Variants in CUL5 observed in about 807,000 individuals in gnomAD.
The protein encoded by CUL5 is cullin-5.
A neutral mutation model predicts 108.8 loss-of-function variants in CUL5; 26 were observed. The observed-to-expected ratio is 0.24, with a 90% CI of 0.18 to 0.33. The LOEUF (loss-of-function observed/expected upper bound fraction) is 0.33. Ranked by LOEUF, CUL5 falls within the 10% of genes least tolerant of loss-of-function variation. The pLI is 1.00. For synonymous variants in CUL5, 334 were observed against 298.0 expected (o/e 1.12, Z -1.25); for missense variants, 524 against 909.2 (o/e 0.58, Z 5.45).
intron 4 of CUL5, among the ~76,000 whole-genome samples, chr11:108,052,368 G>A (rs945173511): frequency 8.5e-5 from 13 of 152,088 alleles, no homozygotes; most frequent in Admixed American, 3.9e-4. Flanking sequence ...AGGCTGGAGG[G>A]CAGTGGCGTG....
chr11:108,017,432 A>G (rs1405251430), intron 1 of CUL5, among the ~76,000 whole-genome samples: 1 of 151,594 alleles, frequency 6.6e-6, no homozygotes, highest in Non-Finnish European at 1.5e-5. Flanking sequence ...ACAATAGTGA[A>G]TATGACAAAG....
At position 108,106,851 on chromosome 11, in the gene CUL5, A is replaced by AC; in HGVS notation, c.*2467_*2468insC. 1 of 150,516 alleles carries AC rather than the reference A, an allele frequency of 6.6e-6. No individual in the cohort carries two copies. Among genetic ancestry groups the AC allele is most frequent in the East Asian group, 1.9e-4 (1 of 5,142 alleles). The allele number at this position is 150,516 out of a possible 1,614,324, so 9.3% of individuals were successfully genotyped here. A position where few individuals can be genotyped will look rare whatever the true frequency, so the allele number is the denominator to read the frequency against. The stretch of plus-strand genomic sequence containing the variant: ...CCTCCCCCTCCAAAAAAAAAAAAAA[A>AC]ATTTAATTTTTAAAAATTAGTGGTA... On this transcript the variant is annotated 3_prime_UTR_variant, in exon 19 of 19. Transcript: ENST00000393094.
intron 1 of CUL5, among the ~76,000 whole-genome samples, chr11:108,023,489 A>G (rs1862377451): frequency 1.3e-5 from 2 of 152,100 alleles, no homozygotes; most frequent in African/African-American, 4.8e-5. Flanking sequence ...CCTTTTATAG[A>G]TTGAGTCTTA....
Position 108,042,456 on chromosome 11 carries a change from C to T in CUL5, c.135-3814C>T, listed in dbSNP as rs1040156283. Among the ~76,000 whole-genome samples the T allele has an allele frequency of 2.0e-5, 3 of 151,906 alleles. No individual in the cohort carries two copies. In the East Asian group the frequency reaches 5.8e-4, roughly 29 times the overall value. On this transcript the variant is annotated intron_variant, in intron 2 of 18. Transcript: ENST00000393094. ...AGGCTGGTCCTGAACACCTGGCCTC[C>T]AGTGATCCACCAACTTTGGCTTCCC... is the stretch of plus-strand genomic sequence containing the variant.
rs1193714462 is a variant in CUL5 at position 108,078,107 on chromosome 11, G to T, written c.1114-69G>T. On this transcript the variant is annotated intron_variant, in intron 10 of 18. Coordinates refer to ENST00000393094, the MANE Select transcript of CUL5 (RefSeq NM_003478.6). ...AAACTAACATATTTTTATGTGTTTT[G>T]GGATGTATAAAAATTTATCTGTATA... The T allele has an allele frequency of 1.5e-5, 13 of 874,882 alleles. No homozygotes were observed. The Admixed American group carries it at 2.9e-4, about 20-fold the overall frequency. The allele number at this position is 874,882 out of a possible 1,614,324, so 54.2% of individuals were successfully genotyped here.
chr11:108,026,668 A>G (rs1862458612), intron 1 of CUL5, among the ~76,000 whole-genome samples: 2 of 152,132 alleles, frequency 1.3e-5, no homozygotes, highest in Non-Finnish European at 2.9e-5. Flanking sequence ...TGTTCCTGTC[A>G]GCATACAATC....
At position 108,034,107 on chromosome 11, in the gene CUL5, T is replaced by C. The variant is rs534748647; in HGVS notation, c.134+196T>C. ...GCTCACAGGACTGAACATACAATCA[T>C]ACTCACAGCTTTGAGTCATTACAGT... On this transcript the variant is annotated intron_variant, in intron 2 of 18. Coordinates refer to ENST00000393094, the MANE Select transcript of CUL5 (RefSeq NM_003478.6). 7.1e-4 allele frequency among the ~76,000 whole-genome samples: 108 copies of C among 152,276 alleles called. 2 individuals are homozygous for C. In the Middle Eastern group the frequency reaches 0.027, roughly 38 times the overall value.
chr11:108,065,315 A>G (rs1180781044), intron 7 of CUL5, among the ~76,000 whole-genome samples: 9 of 151,858 alleles, frequency 5.9e-5, no homozygotes, highest in Admixed American at 4.6e-4. Context: ...GAGCCACTGC[A>G]CCTGTTGGGA....
At chr11:108,021,900 G>A (rs1345723604) in intron 1 of CUL5, among the ~76,000 whole-genome samples, 2 of 152,034 alleles carry the variant, frequency 1.3e-5, no homozygotes, top group East Asian at 1.9e-4. Context: ...CTGCAGCCTC[G>A]AACTCCTGGG....
chr11:108,080,026 T>C (rs1864036111), intron 11 of CUL5, among the ~76,000 whole-genome samples: 1 of 152,194 alleles, frequency 6.6e-6, no homozygotes, highest in African/African-American at 2.4e-5. Flanking sequence ...TCTTTTAACT[T>C]TAGTCATTTG....
chr11:108,100,862 C>G (rs555017111), intron 18 of CUL5, among the ~76,000 whole-genome samples: 14 of 152,236 alleles, frequency 9.2e-5, no homozygotes, highest in Non-Finnish European at 1.6e-4. Flanking sequence ...AACCCCGTCT[C>G]TACTAAAATA....
chr11:108,096,513 G>T (rs980620295), intron 16 of CUL5, among the ~76,000 whole-genome samples: 3 of 143,272 alleles, frequency 2.1e-5, no homozygotes, highest in South Asian at 2.3e-4. Context: ...AAAAGAGAAA[G>T]ATTGAGTTGG....
intron 1 of CUL5, among the ~76,000 whole-genome samples, chr11:108,012,745 C>T (rs1008054287): frequency 5.3e-5 from 8 of 151,930 alleles, no homozygotes; most frequent in Admixed American, 3.9e-4. Context: ...TACAGGCACA[C>T]GCCACCACAC....
rs147410964 is a variant in CUL5 at position 108,054,946 on chromosome 11, C to T, written c.771C>T (p.Ser257=). ...RYLETRRECN[S]VEALMECCVN... Reference sequence around the variant, plus strand: ...TAGAAACAAGACGAGAATGTAACTCCGTTGAAGCAGTAAGTAATTTTGTAA... The same window carrying T: ...TAGAAACAAGACGAGAATGTAACTCTGTTGAAGCAGTAAGTAATTTTGTAA... The change falls in exon 7 of 19, where the codon TCC becomes TCT. Residue 257 remains serine (S), a synonymous_variant. Coordinates refer to ENST00000393094, the MANE Select transcript of CUL5 (RefSeq NM_003478.6). The T allele has an allele frequency of 5.9e-5, 95 of 1,597,420 alleles. No individual in the cohort carries two copies. In the African/African-American group the frequency reaches 9.8e-4, roughly 17 times the overall value.
intron 15 of CUL5, 27 bp downstream of exon 15, chr11:108,095,014 C>T (rs768698580): frequency 1.3e-6 from 2 of 1,568,278 alleles, no homozygotes; most frequent in African/African-American, 1.4e-5. Context: ...TTAGTTATTT[C>T]AGCTTTCAGT....
chr11:108,042,661 A>G (rs1862958898), intron 2 of CUL5, among the ~76,000 whole-genome samples: 1 of 151,050 alleles, frequency 6.6e-6, no homozygotes, highest in Admixed American at 6.6e-5. Flanking sequence ...TTTCCTCTCT[A>G]CCTCTCACTC....
intron 7 of CUL5, among the ~76,000 whole-genome samples, chr11:108,059,577 C>A (rs1863482291): frequency 6.6e-6 from 1 of 151,994 alleles, no homozygotes; most frequent in Admixed American, 6.6e-5. Context: ...TCTCTCTTTT[C>A]CTAACTATAA....
chr11:108,022,814 T>C (rs915086934), intron 1 of CUL5, among the ~76,000 whole-genome samples: 1 of 152,224 alleles, frequency 6.6e-6, no homozygotes, highest in Non-Finnish European at 1.5e-5. Flanking sequence ...ATGGTGCCAC[T>C]GCACTCCAGC....
rs560382024 is a variant in CUL5 at position 108,025,815 on chromosome 11, A to G, written c.25-7987A>G. Among the ~76,000 whole-genome samples, 45 of 152,220 alleles carry G rather than the reference A, an allele frequency of 3.0e-4. 2 individuals carry two copies. The South Asian group carries it at 9.1e-3, about 31-fold the overall frequency. On this transcript the variant is annotated intron_variant, in intron 1 of 18. Transcript: ENST00000393094. The stretch of plus-strand genomic sequence containing the variant: ...AATTCTAGTCACCTCAGCCTTTTCA[A>G]ACTCTGAACTCTGCCTCTTAAATGT...
Sources: gnomAD v4.1 joint callset for allele counts (sites outside exome capture counted in the v4.1 genomes callset) on GRCh38, gnomAD v4.1.1 for gene constraint, MANE v1.5 for transcripts, NCBI Gene and HGNC (gene_info 2026-07-23, HGNC 2026-07-21) for gene names.